The following LRP1B variants were observed in gnomAD, a reference collection of about 807,000 sequenced individuals.
LRP1B encodes the protein LDL receptor related protein 1B.
LRP1B carries 217 observed loss-of-function variants against 556.6 expected under a neutral mutation model. The observed-to-expected ratio is 0.39, with a 90% CI of 0.35 to 0.44. The LOEUF (loss-of-function observed/expected upper bound fraction) is 0.44, where lower values mean the gene tolerates loss of function less well. Among genes scored for constraint, LRP1B ranks in the 20% least tolerant of loss-of-function variants. LRP1B has a pLI of 1.00. For missense variants in LRP1B, 5,053 were observed against 5,620.8 expected, an observed-to-expected ratio of 0.90 and a Z score of 3.23; for synonymous variants, 2,047 against 1,865.8, an observed-to-expected ratio of 1.10 and a Z score of -2.50.
chr2:141,637,685 G>A (rs1013838742), intron 2 of LRP1B, among the ~76,000 whole-genome samples: 3 of 152,106 alleles, frequency 2.0e-5, no homozygotes, highest in Admixed American at 1.3e-4. Flanking sequence ...GGCATTAAGC[G>A]GATTGAAAGA....
At chr2:140,980,349 C>A (rs980555860) in intron 18 of LRP1B, among the ~76,000 whole-genome samples, 1 of 152,028 alleles carries the variant, frequency 6.6e-6, no homozygotes, top group African/African-American at 2.4e-5. Context: ...GCAGACACAG[C>A]CAGATATAGG....
At chr2:140,269,486 G>C (rs927914752) in intron 86 of LRP1B, 1 of 411,144 alleles carries the variant, frequency 2.4e-6, no homozygotes, top group Admixed American at 2.8e-5. Context: ...AAACGAAAAG[G>C]TTCCCAGATA....
chr2:141,336,285 A>G (rs190011735), intron 3 of LRP1B, among the ~76,000 whole-genome samples: 1 of 152,240 alleles, frequency 6.6e-6, no homozygotes, highest in Admixed American at 6.5e-5. Context: ...CTAGGCTACA[A>G]GCTGTCTTGC....
At chr2:141,674,773 C>A (rs1690812931) in intron 2 of LRP1B, among the ~76,000 whole-genome samples, 1 of 151,890 alleles carries the variant, frequency 6.6e-6, no homozygotes, top group African/African-American at 2.4e-5. Flanking sequence ...ATTTCTGAAA[C>A]CAAAGTTCTT....
chr2:140,441,917 A>G (rs1332337613), intron 66 of LRP1B, among the ~76,000 whole-genome samples: 2 of 152,226 alleles, frequency 1.3e-5, no homozygotes, highest in Admixed American at 1.3e-4. Context: ...TAAACAAAAT[A>G]AATATATATT....
chr2:141,568,050 A>G (rs982343971), intron 2 of LRP1B, among the ~76,000 whole-genome samples: 2 of 150,930 alleles, frequency 1.3e-5, no homozygotes, highest in African/African-American at 4.8e-5. Flanking sequence ...AGAACTGTCC[A>G]GAGTCATGCT....
At chr2:141,490,943 T>G (rs867581372) in intron 2 of LRP1B, among the ~76,000 whole-genome samples, 5,025 of 151,640 alleles carry the variant, frequency 0.033, 284 homozygotes, top group African/African-American at 0.12. Flanking sequence ...TTTTTTTTTT[T>G]TTTTTTTTTT....
intron 27 of LRP1B, among the ~76,000 whole-genome samples, chr2:140,865,619 G>A (rs993391963): frequency 6.6e-6 from 1 of 151,972 alleles, no homozygotes; most frequent in African/African-American, 2.4e-5. Context: ...AAGGTAGAAT[G>A]TTCTCTGATC....
At chr2:140,312,170 A>T (rs997494948) in intron 83 of LRP1B, among the ~76,000 whole-genome samples, 1 of 151,940 alleles carries the variant, frequency 6.6e-6, no homozygotes, top group Non-Finnish European at 1.5e-5. Context: ...AAAATATTCA[A>T]TTCAAATGTG....
At chr2:142,093,593 A>G (rs538104141) in intron 1 of LRP1B, among the ~76,000 whole-genome samples, 1 of 152,212 alleles carries the variant, frequency 6.6e-6, no homozygotes, top group South Asian at 2.1e-4. Context: ...CAGAAAGGCA[A>G]GGCAGTGGAC....
rs369637153 is a variant in LRP1B, at chr2:140,380,515, T to C, written c.10532-2229A>G. 1.2e-4 allele frequency among the ~76,000 whole-genome samples: 18 copies of C among 152,358 alleles called. No individual in the cohort carries two copies. The South Asian group carries it at 3.7e-3, about 32-fold the overall frequency. On this transcript the variant is annotated intron_variant, in intron 67 of 90. Transcript: ENST00000389484. Reference sequence around the variant, plus strand: ...AGAGGAAAGAAATTATAGTGAAATATGTTCAATTTATTTAACAATGGAAAA... The same window carrying C: ...AGAGGAAAGAAATTATAGTGAAATACGTTCAATTTATTTAACAATGGAAAA...
intron 49 of LRP1B, among the ~76,000 whole-genome samples, chr2:140,517,933 A>T (rs1689987618): frequency 1.3e-5 from 2 of 151,692 alleles, no homozygotes; most frequent in African/African-American, 4.8e-5. Flanking sequence ...CTGGTCTTGA[A>T]CTTCTGACGT....
At chr2:140,652,099 TA>T (rs1294928265) in intron 41 of LRP1B, among the ~76,000 whole-genome samples, 2 of 151,966 alleles carry the variant, frequency 1.3e-5, no homozygotes, top group Non-Finnish European at 2.9e-5. Context: ...AAAATGTTTT[TA>T]AAAAAGCAAC....
At chr2:141,338,365 C>T (rs541579533) in intron 3 of LRP1B, among the ~76,000 whole-genome samples, 11 of 152,198 alleles carry the variant, frequency 7.2e-5, no homozygotes, top group South Asian at 2.1e-4. Context: ...TACCCTTTCC[C>T]GCTTCTCTAG....
intron 2 of LRP1B, among the ~76,000 whole-genome samples, chr2:141,542,090 G>C (rs1354929306): frequency 2.0e-5 from 3 of 151,924 alleles, no homozygotes; most frequent in Non-Finnish European, 4.4e-5. Context: ...AATATGAAAT[G>C]ATGGTGAATA....
chr2:141,837,465 G>A (rs891753928), intron 1 of LRP1B, among the ~76,000 whole-genome samples: 11 of 151,962 alleles, frequency 7.2e-5, no homozygotes, highest in Non-Finnish European at 1.2e-4. Flanking sequence ...ACAATGAGAA[G>A]TTATGATGAA....
chr2:142,054,471 C>G (rs1704586487), intron 1 of LRP1B, among the ~76,000 whole-genome samples: 1 of 152,098 alleles, frequency 6.6e-6, no homozygotes, highest in South Asian at 2.1e-4. Context: ...ACTCTTTCAT[C>G]TTCATATATG....
At chr2:140,753,086 A>G (rs1383846684) in intron 35 of LRP1B, among the ~76,000 whole-genome samples, 2 of 152,176 alleles carry the variant, frequency 1.3e-5, no homozygotes, top group African/African-American at 4.8e-5. Flanking sequence ...TACTGTCTCC[A>G]TAGTTTTACA....
intron 2 of LRP1B, among the ~76,000 whole-genome samples, chr2:141,548,806 T>C (rs895245801): frequency 3.9e-5 from 6 of 152,180 alleles, no homozygotes; most frequent in Non-Finnish European, 8.8e-5. Context: ...CCAGTATTTA[T>C]GTGGTTGCTT....
Sources: gnomAD v4.1 joint callset for allele counts (sites outside exome capture counted in the v4.1 genomes callset) on GRCh38, gnomAD v4.1.1 for gene constraint, MANE v1.5 for transcripts, NCBI Gene and HGNC (gene_info 2026-07-23, HGNC 2026-07-21) for gene names.